Variants in MKI67 observed in about 807,000 individuals in gnomAD.
The protein encoded by MKI67 is proliferation marker protein Ki-67.
In MKI67, 152 loss-of-function variants were observed where a neutral mutation model predicts 233.5. The observed-to-expected ratio is 0.65, with a 90% CI of 0.57 to 0.74. The LOEUF (loss-of-function observed/expected upper bound fraction) is 0.74. Ranked by LOEUF, MKI67 falls within the 30% of genes least tolerant of loss-of-function variation. The pLI, the probability that MKI67 is intolerant of heterozygous loss-of-function variation, is 0.00. For missense variants in MKI67, 3,940 were observed against 3,885.2 expected, an observed-to-expected ratio of 1.01 and a Z score of -0.37; for synonymous variants, 1,465 against 1,418.5, an observed-to-expected ratio of 1.03 and a Z score of -0.74.
At position 128,104,830 on chromosome 10, in the gene MKI67, G is replaced by T. The variant is rs7083622; in HGVS notation, c.7010C>A (p.Thr2337Asn). Residue 2337 changes from threonine (T) to asparagine (N), a missense_variant, in exon 13 of 15, where the codon ACT (threonine) becomes AAT (asparagine). Physicochemically the swap from Thr to Asn is moderately conservative, Grantham distance 65. Transcript: ENST00000368654. Reference sequence around the variant, plus strand: ...TGGAGATTTGCAGGCTATTTTGGTAGTTTTCTCATCAGTCGTGGGCTTGTC... The same window carrying T: ...TGGAGATTTGCAGGCTATTTTGGTATTTTTCTCATCAGTCGTGGGCTTGTC... ...GTDKPTTDEK[T>N]TKIACKSPQP... 54,275 of 1,612,478 alleles carry T rather than the reference G, an allele frequency of 0.034. 1,798 individuals are homozygous for T. The highest frequency in any genetic ancestry group is 0.16 in the African/African-American group (12,089 of 74,358).
intron 5 of MKI67, among the ~76,000 whole-genome samples, chr10:128,118,657 TATACTC>T (rs1358703523): frequency 6.6e-6 from 1 of 152,204 alleles, no homozygotes; most frequent in Admixed American, 6.5e-5. Context: ...TCCACACTGA[TATACTC>T]AAACTATCTA....
intron 12 of MKI67, 82 bp from the exon 13 acceptor site, chr10:128,109,505 A>C (rs2136139353): frequency 6.9e-7 from 1 of 1,447,946 alleles, no homozygotes; most frequent in Non-Finnish European, 9.3e-7. Context: ...AAATATGGTA[A>C]AAAACTAAAT....
chr10:128,123,177 CA>C lies in MKI67; in HGVS notation c.93-9del, dbSNP rs1852988173. 1 of 1,607,216 alleles carries C rather than the reference CA, an allele frequency of 6.2e-7. No homozygotes were observed. Among genetic ancestry groups the C allele is most frequent in the Non-Finnish European group, 8.5e-7 (1 of 1,175,328 alleles). Reference sequence around the variant, plus strand: ...ATGTCACATTCAATACCCCTTCATGCAAAAGAAGAAGGTTTTTTTGGTTGCT... The same window carrying C: ...ATGTCACATTCAATACCCCTTCATGCAAAGAAGAAGGTTTTTTTGGTTGCT... On this transcript the variant is annotated splice_polypyrimidine_tract_variant and intron_variant, in intron 2 of 14. Transcript: ENST00000368654.
Position 128,104,845 on chromosome 10 carries a change from G to C in MKI67, c.6995C>G (p.Thr2332Arg). Residue 2332 changes from threonine (T) to arginine (R), a missense_variant, in exon 13 of 15, where the codon ACG becomes AGG. By Grantham distance (71) the Thr-to-Arg change is moderately conservative (BLOSUM62 -1). Transcript: ENST00000368654. The part of the protein sequence containing the change: ...LFQTPGTDKP[T>R]TDEKTTKIAC... The stretch of plus-strand genomic sequence containing the variant: ...TATTTTGGTAGTTTTCTCATCAGTC[G>C]TGGGCTTGTCAGTGCCTGGTGTCTG... 1 of 1,613,216 alleles carries C rather than the reference G, an allele frequency of 6.2e-7. No individual in the cohort carries two copies. The highest frequency in any genetic ancestry group is 1.1e-5 in the South Asian group (1 of 91,056).
In MKI67 at chr10:128,103,053, G is replaced by T; in HGVS notation, c.8787C>A (p.Gly2929=). 1 of 1,614,220 alleles carries T rather than the reference G, an allele frequency of 6.2e-7. No homozygotes were observed. Among genetic ancestry groups the T allele is most frequent in the Admixed American group, 1.7e-5 (1 of 60,022 alleles). ...ASFQELSQTP[G]HTEELANGAA... ...CACCATTTGCCAGTTCCTCAGTGTG[G>T]CCTGGTGTTTGAGAGAGCTCTTGGA... The change falls in exon 13 of 15, where the codon GGC becomes GGA. Residue 2929 remains glycine, a synonymous_variant. Coordinates refer to ENST00000368654, the MANE Select transcript of MKI67 (RefSeq NM_002417.5).
In MKI67 at chr10:128,097,986, G is replaced by A. The variant is rs1852248505; in HGVS notation, c.*1204C>T. On this transcript the variant is annotated 3_prime_UTR_variant, in exon 15 of 15. Transcript: ENST00000368654. Reference sequence around the variant, plus strand: ...TGGAGACAGGGCACTGCCCGCACAGGGCACATTTTGGGGGACAGCTACCCT... The same window carrying A: ...TGGAGACAGGGCACTGCCCGCACAGAGCACATTTTGGGGGACAGCTACCCT... The A allele has an allele frequency of 6.6e-6, 1 of 152,232 alleles. No individual in the cohort carries two copies. The highest frequency in any genetic ancestry group is 1.5e-5 in the Non-Finnish European group (1 of 68,072). 9.4% of individuals were successfully genotyped at this position (152,232 alleles called of 1,614,324 possible).
rs369442272 is a variant in MKI67 at position 128,116,487 on chromosome 10, T to C, written c.400+4A>G. 3.7e-6 allele frequency: 6 copies of C among 1,613,646 alleles called. No homozygotes were observed. Among genetic ancestry groups the C allele is most frequent in the African/African-American group, 2.7e-5 (2 of 74,908 alleles). On this transcript the variant is annotated splice_donor_region_variant and intron_variant, in intron 6 of 14. Transcript: ENST00000368654. Reference sequence around the variant, plus strand: ...TTCTGGAACAAAACCCAACCACTACTCACCAGGGTCAGAAGAGAAGCTAGA... The same window carrying C: ...TTCTGGAACAAAACCCAACCACTACCCACCAGGGTCAGAAGAGAAGCTAGA...
rs766057843 is a variant in MKI67 at position 128,101,367 on chromosome 10, C to A, written c.9596G>T (p.Cys3199Phe). Reference sequence around the variant, plus strand: ...GCTTTTTGTCTTTCTTGATCTCAGGCACATGGAGTCTGAATTTCCTGCTTC... The same window carrying A: ...GCTTTTTGTCTTTCTTGATCTCAGGAACATGGAGTCTGAATTTCCTGCTTC... ...KGEAGNSDSM[C>F]LRSRKTKSQP... Residue 3199 changes from cysteine to phenylalanine, a missense_variant, in exon 14 of 15, where the codon TGC (cysteine) becomes TTC (phenylalanine). Transcript: ENST00000368654. The A allele has an allele frequency of 4.3e-6, 7 of 1,614,188 alleles. No individual in the cohort carries two copies. The highest frequency in any genetic ancestry group is 5.1e-6 in the Non-Finnish European group (6 of 1,180,010).
intron 2 of MKI67, 87 bp from the exon 3 acceptor site, chr10:128,123,256 A>G: frequency 2.2e-6 from 2 of 902,638 alleles, no homozygotes; most frequent in East Asian, 4.9e-5. Context: ...CAATTTGACT[A>G]GAATGTTTGA....
chr10:128,115,482 G>A lies in MKI67; in HGVS notation c.926C>T (p.Pro309Leu). Residue 309 changes from proline (P) to leucine (L), a missense_variant, in exon 7 of 15, where the codon CCT becomes CTT. Transcript: ENST00000368654. ...SGHAVAEPAS[P>L]EQELDQNKGK... Reference sequence around the variant, plus strand: ...CTTGTTCTGGTCAAGCTCTTGTTCAGGTGAAGCAGGCTCTGCCACAGCGTG... The same window carrying A: ...CTTGTTCTGGTCAAGCTCTTGTTCAAGTGAAGCAGGCTCTGCCACAGCGTG... The A allele has an allele frequency of 1.2e-6, 2 of 1,614,014 alleles. No homozygotes were observed. The highest frequency in any genetic ancestry group is 1.7e-6 in the Non-Finnish European group (2 of 1,179,988).
intron 5 of MKI67, among the ~76,000 whole-genome samples, chr10:128,117,305 G>T (rs565942306): frequency 1.3e-5 from 2 of 152,182 alleles, no homozygotes; most frequent in Non-Finnish European, 2.9e-5. Flanking sequence ...TGGCATGTGC[G>T]CCCTCTTGGC....
rs1464394929 is a variant in MKI67 at position 128,108,721 on chromosome 10, G to A, written c.3119C>T (p.Ala1040Val). 3 of 1,614,084 alleles carry A rather than the reference G, an allele frequency of 1.9e-6. No homozygotes were observed. Among genetic ancestry groups the A allele is most frequent in the African/African-American group, 2.7e-5 (2 of 74,922 alleles). The change falls in exon 13 of 15, where the codon GCA (alanine) becomes GTA (valine). Residue 1040 changes from alanine (A) to valine (V), a missense_variant. Transcript: ENST00000368654. ...GKVGVKEELL[A>V]VGKFTRTSGE... ...TGACGTCCGTGTGAACTTGCCGACT[G>A]CTAGGAGCTCTTCTTTCACACCTAC...
Position 128,115,898 on chromosome 10 carries a change from G to C in MKI67, c.510C>G (p.Asp170Glu), listed in dbSNP as rs143381225. Reference sequence around the variant, plus strand: ...TTCCCTGAGCAACACTGTCTTTTGAGTCATCTGCGGTACTGTCTTCTTTGA... The same window carrying C: ...TTCCCTGAGCAACACTGTCTTTTGACTCATCTGCGGTACTGTCTTCTTTGA... ...KNVKEDSTAD[D>E]SKDSVAQGTT... is the part of the protein sequence containing the mutation. The change falls in exon 7 of 15, where the codon GAC (aspartate) becomes GAG (glutamate). Residue 170 changes from aspartate to glutamate, a missense_variant. Physicochemically the swap from Asp to Glu is conservative, Grantham distance 45 (BLOSUM62 2). Coordinates refer to ENST00000368654, the MANE Select transcript of MKI67 (RefSeq NM_002417.5). The C allele has an allele frequency of 3.4e-3, 5,420 of 1,610,182 alleles. 13 individuals are homozygous for C. Among genetic ancestry groups the C allele is most frequent in the Non-Finnish European group, 4.0e-3 (4,728 of 1,180,006 alleles).
At position 128,103,926 on chromosome 10, in the gene MKI67, G is replaced by A. The variant is rs199914807; in HGVS notation, c.7914C>T (p.Ser2638=). ...QSTHTHKEPA[S]GDEGIKVLKQ... ...TCAATACTTTGATGCCCTCATCACC[G>A]CTTGCTGGTTCTTTGTGTGTGTGTG... Residue 2638 remains serine, a synonymous_variant, in exon 13 of 15, where the codon AGC becomes AGT. Transcript: ENST00000368654. 126 of 1,613,858 alleles carry A rather than the reference G, an allele frequency of 7.8e-5. No individual in the cohort carries two copies. The East Asian group carries it at 2.1e-3, about 27-fold the overall frequency.
rs748326017 is a variant in MKI67, at chr10:128,103,719, T to A, written c.8121A>T (p.Glu2707Asp). The A allele has an allele frequency of 1.2e-6, 2 of 1,614,108 alleles. No individual in the cohort carries two copies. Among genetic ancestry groups the A allele is most frequent in the Admixed American group, 3.3e-5 (2 of 60,026 alleles). The change falls in exon 13 of 15, where the codon GAA (glutamate) becomes GAT (aspartate). Residue 2707 changes from glutamate (E) to aspartate (D), a missense_variant. Physicochemically the swap from Glu to Asp is conservative, Grantham distance 45 (BLOSUM62 2). Coordinates refer to ENST00000368654, the MANE Select transcript of MKI67 (RefSeq NM_002417.5). ...TAGKATKIPCESPPLEVVDTT... is the reference protein window; with the variant it reads ...TAGKATKIPCDSPPLEVVDTT... ...TGTCTACCACTTCTAGTGGGGGAGA[T>A]TCGCAGGGTATTTTAGTGGCTTTGC...
chr10:128,115,580 ACTTT>A lies in MKI67; in HGVS notation c.824_827del (p.Glu275ValfsTer70), dbSNP rs757190228. The A allele has an allele frequency of 6.2e-7, 1 of 1,614,196 alleles. No individual in the cohort carries two copies. The highest frequency in any genetic ancestry group is 1.1e-5 in the South Asian group (1 of 91,086). On this transcript the variant is annotated frameshift_variant, in exon 7 of 15. Transcript: ENST00000368654. LOFTEE classifies it high-confidence loss of function. ...GGGTCTCCCCCTGTAAACCATCAGC[ACTTT>A]CTTTCTCTGTTGCGTAATCAGTTTG...
At chr10:128,116,570 A>T in intron 5 of MKI67, 34 bp from the exon 6 acceptor site, 4 of 1,582,956 alleles carry the variant, frequency 2.5e-6, no homozygotes, top group Non-Finnish European at 3.5e-6. Flanking sequence ...AGTTATTTGC[A>T]GGTCTTTCTA....
chr10:128,109,261 T>C lies in MKI67; in HGVS notation c.2579A>G (p.Asp860Gly). 2.5e-6 allele frequency: 4 copies of C among 1,614,194 alleles called. No individual in the cohort carries two copies. Among genetic ancestry groups the C allele is most frequent in the Non-Finnish European group, 3.4e-6 (4 of 1,180,024 alleles). ...TGTTTTTGAAGGCTCTGTCTCAGTA[T>C]CTGAAGTTTTTGTCTCCAGAGAAGT... ...KMTSLETKTS[D>G]TETEPSKTVS... Residue 860 changes from aspartate (D) to glycine (G), a missense_variant, in exon 13 of 15, where the codon GAT becomes GGT. Asp to Gly is a moderately conservative substitution (Grantham distance 94, BLOSUM62 -1). Transcript: ENST00000368654.
At position 128,099,956 on chromosome 10, in the gene MKI67, T is replaced by C. The variant is rs1404737437; in HGVS notation, c.9706-701A>G. On this transcript the variant is annotated intron_variant, in intron 14 of 14. Transcript: ENST00000368654. ...GTTGCTCTGTGTTTAGGAATCATCC[T>C]AGTTAAAAGATTCGCTTTCACCCTT... 3.9e-5 allele frequency among the ~76,000 whole-genome samples: 6 copies of C among 152,338 alleles called. No homozygotes were observed. The South Asian group carries it at 8.3e-4, about 21-fold the overall frequency.
Sources: gnomAD v4.1 joint callset for allele counts (sites outside exome capture counted in the v4.1 genomes callset) on GRCh38, gnomAD v4.1.1 for gene constraint, MANE v1.5 for transcripts, NCBI Gene and HGNC (gene_info 2026-07-23, HGNC 2026-07-21) for gene names.